NR2F1-AS1: variants seen among roughly 807,000 people sequenced by gnomAD.
The protein encoded by NR2F1-AS1 is NR2F1 antisense RNA 1.
intron 4 of NR2F1-AS1, among the ~76,000 whole-genome samples, chr5:93,427,856 CTCT>C (rs1213783333): frequency 2.6e-5 from 4 of 152,246 alleles, no homozygotes; most frequent in Non-Finnish European, 4.4e-5. Flanking sequence ...AAAGGCTGAA[CTCT>C]TCTTCATTCT....
chr5:93,415,795 T>G (rs959973958), intron 4 of NR2F1-AS1, among the ~76,000 whole-genome samples: 1 of 152,252 alleles, frequency 6.6e-6, no homozygotes, highest in Non-Finnish European at 1.5e-5. Flanking sequence ...ATTGTGAACT[T>G]GTATTGTAAT....
intron 4 of NR2F1-AS1, among the ~76,000 whole-genome samples, chr5:93,443,196 C>A (rs1348597886): frequency 6.6e-6 from 1 of 152,180 alleles, no homozygotes; most frequent in African/African-American, 2.4e-5. Flanking sequence ...TGGAGAATGA[C>A]TTTGACGAGT....
Position 93,503,413 on chromosome 5 carries a change from A to T in NR2F1-AS1, n.638+50348T>A, listed in dbSNP as rs552416774. On this transcript the variant is annotated intron_variant and non_coding_transcript_variant, in intron 4 of 5. Coordinates refer to ENST00000660523, the Ensembl canonical transcript of NR2F1-AS1. ...TACTAGGAACCAAGAGTTTTAGCGT[A>T]AGAGGGAAAAAAACACAAACATAAA... Among the ~76,000 whole-genome samples the T allele has an allele frequency of 9.8e-5, 15 of 152,338 alleles. 1 individual carries two copies. The South Asian group carries it at 3.1e-3, about 32-fold the overall frequency.
At chr5:93,488,643 G>T (rs1750775376) in intron 4 of NR2F1-AS1, among the ~76,000 whole-genome samples, 1 of 152,214 alleles carries the variant, frequency 6.6e-6, no homozygotes, top group South Asian at 2.1e-4. Context: ...CTTTTACACT[G>T]CTGGTGGGAG....
intron 4 of NR2F1-AS1, among the ~76,000 whole-genome samples, chr5:93,430,968 C>T (rs1580216934): frequency 2.6e-5 from 4 of 152,080 alleles, no homozygotes; most frequent in African/African-American, 9.6e-5. Flanking sequence ...ACCATCTGAC[C>T]CCAAAATACC....
At chr5:93,511,131 G>A (rs376949895) in intron 4 of NR2F1-AS1, among the ~76,000 whole-genome samples, 3 of 152,114 alleles carry the variant, frequency 2.0e-5, no homozygotes, top group East Asian at 3.8e-4. Flanking sequence ...TTGCTTCTGA[G>A]TGTGTCTGTG....
intron 4 of NR2F1-AS1, among the ~76,000 whole-genome samples, chr5:93,443,977 A>G (rs1295291500): frequency 2.0e-5 from 3 of 152,136 alleles, no homozygotes; most frequent in African/African-American, 7.2e-5. Context: ...GAGAAATAAA[A>G]TCCTTTACAG....
intron 4 of NR2F1-AS1, among the ~76,000 whole-genome samples, chr5:93,468,092 G>T (rs996349793): frequency 1.3e-5 from 2 of 152,146 alleles, no homozygotes; most frequent in Non-Finnish European, 2.9e-5. Context: ...CTTTGCTATT[G>T]TGAATAGTGC....
At chr5:93,527,543 A>G (rs1330708130) in intron 4 of NR2F1-AS1, among the ~76,000 whole-genome samples, 1 of 152,216 alleles carries the variant, frequency 6.6e-6, no homozygotes, top group African/African-American at 2.4e-5. Context: ...AGCCAAGACA[A>G]TCCTAAGCAA....
intron 4 of NR2F1-AS1, among the ~76,000 whole-genome samples, chr5:93,484,850 T>G (rs1391045898): frequency 5.4e-5 from 8 of 148,620 alleles, no homozygotes; most frequent in Non-Finnish European, 1.2e-4. Context: ...CCAACAAAGA[T>G]CAAAAGAGAC....
chr5:93,523,428 C>T (rs1271968386), intron 4 of NR2F1-AS1, among the ~76,000 whole-genome samples: 1 of 152,202 alleles, frequency 6.6e-6, no homozygotes, highest in Non-Finnish European at 1.5e-5. Context: ...GCAGCTTCAG[C>T]AGACTTAAAC....
chr5:93,582,120 T>TC (rs564135454), upstream of NR2F1-AS1, among the ~76,000 whole-genome samples: 3,089 of 106,328 alleles, frequency 0.029, 178 homozygotes, highest in African/African-American at 0.11. Flanking sequence ...CCTCTCCGCC[T>TC]CCCCCCCTCT....
At chr5:93,529,123 T>C (rs987416571) in intron 4 of NR2F1-AS1, among the ~76,000 whole-genome samples, 1 of 152,166 alleles carries the variant, frequency 6.6e-6, no homozygotes, top group Non-Finnish European at 1.5e-5. Flanking sequence ...CTTAAACTTC[T>C]TATGCTGACA....
chr5:93,478,874 A>G (rs1229767574), intron 4 of NR2F1-AS1, among the ~76,000 whole-genome samples: 4 of 152,200 alleles, frequency 2.6e-5, no homozygotes, highest in Non-Finnish European at 4.4e-5. Flanking sequence ...TCAATTACCA[A>G]TGAGTGACTA....
intron 4 of NR2F1-AS1, among the ~76,000 whole-genome samples, chr5:93,457,977 G>A (rs774568613): frequency 2.6e-5 from 4 of 152,090 alleles, no homozygotes; most frequent in Non-Finnish European, 2.9e-5. Context: ...AGACATACTC[G>A]GGAATCTCTC....
intron 4 of NR2F1-AS1, among the ~76,000 whole-genome samples, chr5:93,521,466 A>G (rs2344387): frequency 0.24 from 36,831 of 152,110 alleles, 7,794 homozygotes; most frequent in African/African-American, 0.58. Flanking sequence ...CTATGTACCC[A>G]ACAGAGGTCT....
intron 2 of NR2F1-AS1, among the ~76,000 whole-genome samples, chr5:93,556,677 C>CA (rs1326335885): frequency 6.6e-6 from 1 of 152,070 alleles, no homozygotes; most frequent in Non-Finnish European, 1.5e-5. Flanking sequence ...CATGTGAAGG[C>CA]AGAGATCACA....
chr5:93,466,138 A>G (rs1296420435), intron 4 of NR2F1-AS1, among the ~76,000 whole-genome samples: 1 of 152,026 alleles, frequency 6.6e-6, no homozygotes, highest in Non-Finnish European at 1.5e-5. Flanking sequence ...AAGAGAGGTC[A>G]ACCCTCAGAT....
intron 4 of NR2F1-AS1, among the ~76,000 whole-genome samples, chr5:93,509,666 A>G (rs1751256213): frequency 6.6e-6 from 1 of 152,038 alleles, no homozygotes; most frequent in South Asian, 2.1e-4. Flanking sequence ...ATATAAAGCA[A>G]ACATGTCAAA....
Sources: allele counts gnomAD v4.1 joint callset (sites outside exome capture counted in the v4.1 genomes callset), GRCh38; gene constraint gnomAD v4.1.1; transcripts MANE v1.5; gene names NCBI Gene and HGNC (gene_info 2026-07-23, HGNC 2026-07-21).